The following ASPRV1 variants were observed in gnomAD, a reference collection of about 807,000 sequenced individuals.
The protein encoded by ASPRV1 is retroviral-like aspartic protease 1.
Under a neutral mutation model 11.0 loss-of-function variants are expected in ASPRV1, and 7 were observed. The ratio of observed to expected loss-of-function variants is 0.64; its 90% CI spans 0.36 to 1.20. The LOEUF is 1.20. ASPRV1 is among the 50% of genes most tolerant of loss of function. The pLI, the probability that ASPRV1 is intolerant of heterozygous loss-of-function variation, is 0.02. For synonymous variants in ASPRV1, 136 were observed against 138.4 expected, an observed-to-expected ratio of 0.98 and a Z score of 0.12; for missense variants, 299 against 320.0, an observed-to-expected ratio of 0.93 and a Z score of 0.50.
chr2:70,019,324 T>C, the ASPRV1 span: 1 of 152,180 alleles, frequency 6.6e-6, no homozygotes, highest in Non-Finnish European at 1.5e-5. Context: ...AAATGTGAAT[T>C]AGTACAGCCA....
At chr2:70,052,254 T>C in the ASPRV1 span, among the ~76,000 whole-genome samples, 4 of 152,068 alleles carry the variant, frequency 2.6e-5, no homozygotes, top group African/African-American at 9.7e-5. Flanking sequence ...ACAGATAAAA[T>C]AAATGGATTA....
chr2:70,086,347 A>G, the ASPRV1 span: 4 of 152,230 alleles, frequency 2.6e-5, no homozygotes, highest in South Asian at 2.1e-4. Context: ...GCTTTCCCTG[A>G]GAGATTGTGA....
the ASPRV1 span, among the ~76,000 whole-genome samples, chr2:69,976,949 T>C: frequency 1.3e-5 from 2 of 152,188 alleles, no homozygotes; most frequent in East Asian, 1.9e-4. Flanking sequence ...TCCAGCACTT[T>C]GGGAAGCCGC....
the ASPRV1 span, among the ~76,000 whole-genome samples, chr2:70,052,000 T>C: frequency 2.0e-5 from 3 of 152,054 alleles, no homozygotes; most frequent in African/African-American, 7.2e-5. Flanking sequence ...GAAACACTCA[T>C]TCTATGATAT....
At chr2:69,952,949 C>T in the ASPRV1 span, among the ~76,000 whole-genome samples, 1,448 of 152,292 alleles carry the variant, frequency 9.5e-3, 17 homozygotes, top group African/African-American at 0.033. Flanking sequence ...CCCTTCAGCC[C>T]GTACCAGGGC....
the ASPRV1 span, among the ~76,000 whole-genome samples, chr2:70,000,052 C>T: frequency 6.6e-6 from 1 of 152,320 alleles, no homozygotes; most frequent in South Asian, 2.1e-4. Flanking sequence ...CTCCCTGCTT[C>T]GAGTCATGGC....
At chr2:70,008,558 A>C in the ASPRV1 span, among the ~76,000 whole-genome samples, 1 of 152,018 alleles carries the variant, frequency 6.6e-6, no homozygotes, top group African/African-American at 2.4e-5. Flanking sequence ...TGTGGGCCGC[A>C]TGCAGCCCAG....
chr2:70,024,654 T>C, the ASPRV1 span, among the ~76,000 whole-genome samples: 1 of 152,154 alleles, frequency 6.6e-6, no homozygotes, highest in African/African-American at 2.4e-5. Flanking sequence ...TCAATCCTCT[T>C]TCCTTTCCCT....
At chr2:70,018,653 C>T in the ASPRV1 span, among the ~76,000 whole-genome samples, 1 of 152,056 alleles carries the variant, frequency 6.6e-6, no homozygotes, top group Non-Finnish European at 1.5e-5. Context: ...CAACAAAGGT[C>T]CCAAGAACAC....
the ASPRV1 span, among the ~76,000 whole-genome samples, chr2:70,021,036 T>A: frequency 6.6e-6 from 1 of 152,206 alleles, no homozygotes; most frequent in Non-Finnish European, 1.5e-5. Context: ...AATTATATAA[T>A]GGAAGCTGTA....
At chr2:70,018,308 T>C in the ASPRV1 span, among the ~76,000 whole-genome samples, 136 of 152,110 alleles carry the variant, frequency 8.9e-4, no homozygotes, top group African/African-American at 3.2e-3. Flanking sequence ...ATATGCTGTG[T>C]CCACGGTTTG....
the ASPRV1 span, among the ~76,000 whole-genome samples, chr2:70,065,802 G>C: frequency 2.0e-5 from 2 of 100,686 alleles, no homozygotes; most frequent in African/African-American, 7.9e-5. Flanking sequence ...CTGGGTGACA[G>C]AACGAGGCTT....
At chr2:70,072,998 G>A in the ASPRV1 span, 1 of 152,084 alleles carries the variant, frequency 6.6e-6, no homozygotes, top group African/African-American at 2.4e-5. Flanking sequence ...CTTGTGCCAG[G>A]GAGGTTGAGG....
the ASPRV1 span, chr2:69,935,357 T>C: frequency 1.2e-6 from 2 of 1,612,906 alleles, no homozygotes; most frequent in Non-Finnish European, 1.7e-6. Flanking sequence ...ATAGACGGGC[T>C]CATCTTCGCT....
At chr2:69,933,266 A>G in the ASPRV1 span, among the ~76,000 whole-genome samples, 1 of 152,048 alleles carries the variant, frequency 6.6e-6, no homozygotes, top group Non-Finnish European at 1.5e-5. Context: ...GGCAAGAAAT[A>G]GACAAATTTA....
chr2:70,035,255 G>A, the ASPRV1 span, among the ~76,000 whole-genome samples: 2 of 152,136 alleles, frequency 1.3e-5, no homozygotes, highest in Admixed American at 6.6e-5. Flanking sequence ...GATCTTTTAG[G>A]AGGAGAGATC....
At chr2:69,940,039 T>C in the ASPRV1 span, 1 of 151,652 alleles carries the variant, frequency 6.6e-6, no homozygotes, top group Non-Finnish European at 1.5e-5. Context: ...TTGGAAGTAG[T>C]GGATTCCTAA....
At chr2:70,055,201 G>A in the ASPRV1 span, among the ~76,000 whole-genome samples, 1 of 152,078 alleles carries the variant, frequency 6.6e-6, no homozygotes, top group Admixed American at 6.6e-5. Context: ...TACTCAGGAG[G>A]GCTGAGGCAG....
the ASPRV1 span, chr2:70,019,052 AAAC>A: frequency 6.6e-6 from 1 of 152,156 alleles, no homozygotes; most frequent in East Asian, 1.9e-4. Flanking sequence ...TAAGAAACTC[AAAC>A]AACTCAGTAG....
Sources: allele counts gnomAD v4.1 joint callset (sites outside exome capture counted in the v4.1 genomes callset), GRCh38; gene constraint gnomAD v4.1.1; transcripts MANE v1.5; gene names NCBI Gene and HGNC (gene_info 2026-07-23, HGNC 2026-07-21).